Variants in KCNC2 observed in about 807,000 individuals in gnomAD.
KCNC2 encodes voltage-gated potassium channel KCNC2.
A neutral mutation model predicts 44.5 loss-of-function variants in KCNC2; 21 were observed. The ratio of observed to expected loss-of-function variants is 0.47; its 90% CI spans 0.33 to 0.68. KCNC2 has a LOEUF of 0.68. KCNC2 is among the 30% of genes least tolerant of loss of function. The pLI is 0.01. For synonymous variants in KCNC2, 391 were observed against 339.1 expected (o/e 1.15, Z -1.68); for missense variants, 589 against 826.2 (o/e 0.71, Z 3.52).
At chr12:75,209,153 T>C (rs1297741385) in intron 1 of KCNC2, 54 bp downstream of exon 1, 1 of 152,636 alleles carries the variant, frequency 6.6e-6, no homozygotes, top group African/African-American at 2.4e-5. Context: ...AGGGTCAACA[T>C]GCCCTTTCCA....
chr12:75,159,311 A>C lies in KCNC2; in HGVS notation c.687+47986T>G, dbSNP rs576165866. Among the ~76,000 whole-genome samples, 8 of 151,986 alleles carry C rather than the reference A, an allele frequency of 5.3e-5. No homozygotes were observed. In the South Asian group the frequency reaches 1.7e-3, roughly 31 times the overall value. On this transcript the variant is annotated intron_variant, in intron 2 of 4. Transcript: ENST00000549446. ...AAATTTTAAACAATGTTTAAAAAGA[A>C]ATATCTGAGCTGCAAGCTGCAAAAC...
intron 2 of KCNC2, among the ~76,000 whole-genome samples, chr12:75,174,569 A>G (rs922601760): frequency 1.3e-5 from 2 of 151,942 alleles, no homozygotes; most frequent in Non-Finnish European, 2.9e-5. Flanking sequence ...CATGAATTTT[A>G]TTTGACATAG....
intron 2 of KCNC2, among the ~76,000 whole-genome samples, chr12:75,191,542 T>A (rs1593066744): frequency 1.1e-4 from 5 of 45,054 alleles, no homozygotes; most frequent in Admixed American, 2.0e-4. Flanking sequence ...TTTTTTTTTT[T>A]TTTTTTTTTT....
At chr12:75,142,539 T>C (rs955120309) in intron 2 of KCNC2, among the ~76,000 whole-genome samples, 1 of 152,220 alleles carries the variant, frequency 6.6e-6, no homozygotes, top group Non-Finnish European at 1.5e-5. Flanking sequence ...ATCATTTATT[T>C]TGCTCATAGA....
Position 75,041,209 on chromosome 12 carries a change from G to C in KCNC2, c.*1896C>G, listed in dbSNP as rs1879864389. 6.3e-7 allele frequency: 1 copy of C among 1,595,118 alleles called. No homozygotes were observed. Among genetic ancestry groups the C allele is most frequent in the African/African-American group, 1.3e-5 (1 of 74,704 alleles). ...TCCATGATAAATTCTGTACAACACT[G>C]TAGTCAATAACAGCAGCACCAGACA... On this transcript the variant is annotated 3_prime_UTR_variant, in exon 5 of 5. Coordinates refer to ENST00000549446, the MANE Select transcript of KCNC2 (RefSeq NM_139137.4).
At chr12:75,118,445 C>T (rs1400932426) in intron 2 of KCNC2, among the ~76,000 whole-genome samples, 1 of 151,834 alleles carries the variant, frequency 6.6e-6, no homozygotes, top group African/African-American at 2.4e-5. Context: ...GGGACAAGCC[C>T]CTCTAAAGAG....
chr12:75,090,952 T>C (rs1885421241), intron 2 of KCNC2, among the ~76,000 whole-genome samples: 1 of 151,726 alleles, frequency 6.6e-6, no homozygotes. Flanking sequence ...ACCAATCACA[T>C]CAATTAAGAA....
At chr12:75,073,495 G>A (rs958606323) in intron 2 of KCNC2, among the ~76,000 whole-genome samples, 1 of 152,068 alleles carries the variant, frequency 6.6e-6, no homozygotes, top group Admixed American at 6.5e-5. Flanking sequence ...GCATCAACAT[G>A]TTTAATAAAA....
At chr12:75,044,977 T>C (rs554951695) in intron 4 of KCNC2, among the ~76,000 whole-genome samples, 3 of 152,028 alleles carry the variant, frequency 2.0e-5, no homozygotes, top group South Asian at 4.1e-4. Context: ...TGTCCCTAAA[T>C]AGAAATTTTC....
At chr12:75,130,799 A>G (rs1187748029) in intron 2 of KCNC2, among the ~76,000 whole-genome samples, 1 of 151,712 alleles carries the variant, frequency 6.6e-6, no homozygotes, top group Non-Finnish European at 1.5e-5. Context: ...AAAAAAAACA[A>G]TGCACATGGG....
chr12:75,140,411 T>C (rs1889561330), intron 2 of KCNC2, among the ~76,000 whole-genome samples: 3 of 152,208 alleles, frequency 2.0e-5, no homozygotes, highest in Admixed American at 2.0e-4. Flanking sequence ...ATAATTATTT[T>C]GTAAATGGCA....
At chr12:75,174,605 C>T (rs1016279326) in intron 2 of KCNC2, among the ~76,000 whole-genome samples, 1 of 151,858 alleles carries the variant, frequency 6.6e-6, no homozygotes, top group Admixed American at 6.6e-5. Context: ...TGATCCACTC[C>T]TTTTCAGATA....
Position 75,077,747 on chromosome 12 carries a change from C to T in KCNC2, c.688-26430G>A, listed in dbSNP as rs909776262. ...GTCCTTTGTTAGAACACCTAAGTTA[C>T]GATAGCGTAAAACCTCCAATGTATG... On this transcript the variant is annotated intron_variant, in intron 2 of 4. Transcript: ENST00000549446. Among the ~76,000 whole-genome samples, 10 of 152,150 alleles carry T rather than the reference C, an allele frequency of 6.6e-5. No homozygotes were observed. The East Asian group carries it at 1.2e-3, about 18-fold the overall frequency.
intron 2 of KCNC2, among the ~76,000 whole-genome samples, chr12:75,078,237 A>G (rs1263842745): frequency 2.6e-5 from 4 of 152,196 alleles, no homozygotes; most frequent in South Asian, 2.1e-4. Flanking sequence ...GTGTTTCTTC[A>G]AGGTGACAGA....
Position 75,043,242 on chromosome 12 carries a change from C to T in KCNC2, c.1781-1G>A. ...TTTAAGCTTCGGGATTTTTCATATCCTTTTATGAAAAAATGCACAGACATC... is the reference window on the plus strand; with the variant it reads ...TTTAAGCTTCGGGATTTTTCATATCTTTTTATGAAAAAATGCACAGACATC... On this transcript the variant is annotated splice_acceptor_variant, in intron 4 of 4. Transcript: ENST00000549446. LOFTEE classifies it high-confidence loss of function. 6.2e-7 allele frequency: 1 copy of T among 1,610,942 alleles called. No individual in the cohort carries two copies. The highest frequency in any genetic ancestry group is 8.5e-7 in the Non-Finnish European group (1 of 1,178,260).
intron 2 of KCNC2, among the ~76,000 whole-genome samples, chr12:75,081,675 T>C (rs1201719993): frequency 1.3e-5 from 2 of 152,006 alleles, no homozygotes; most frequent in Admixed American, 6.6e-5. Flanking sequence ...TTCCAGATAA[T>C]AGAGTCATAC....
chr12:75,043,442 A>G (rs1426155373), intron 4 of KCNC2: 4 of 1,338,986 alleles, frequency 3.0e-6, no homozygotes, highest in Non-Finnish European at 3.8e-6. Context: ...TAAACCAGCC[A>G]TCACAAATTA....
At position 75,041,283 on chromosome 12, in the gene KCNC2, T is replaced by C. The variant is rs1295466890; in HGVS notation, c.*1822A>G. 10 of 1,547,444 alleles carry C rather than the reference T, an allele frequency of 6.5e-6. No individual in the cohort carries two copies. The highest frequency in any genetic ancestry group is 1.4e-5 in the African/African-American group (1 of 73,600). ...ATTTGTGTGTAATTATAATGTTCTATGTGTGGTGTTATCAAAAGAATCACT... is the reference window on the plus strand; with the variant it reads ...ATTTGTGTGTAATTATAATGTTCTACGTGTGGTGTTATCAAAAGAATCACT... On this transcript the variant is annotated 3_prime_UTR_variant, in exon 5 of 5. Transcript: ENST00000549446.
At chr12:75,181,545 T>C (rs1432618783) in intron 2 of KCNC2, among the ~76,000 whole-genome samples, 2 of 152,226 alleles carry the variant, frequency 1.3e-5, no homozygotes, top group African/African-American at 4.8e-5. Flanking sequence ...GTCTACTGCC[T>C]GACCTTCCTC....
Sources: gnomAD v4.1 joint callset for allele counts (sites outside exome capture counted in the v4.1 genomes callset) on GRCh38, gnomAD v4.1.1 for gene constraint, MANE v1.5 for transcripts, NCBI Gene and HGNC (gene_info 2026-07-23, HGNC 2026-07-21) for gene names.